OR7A10: variants seen among roughly 807,000 people sequenced by gnomAD.
OR7A10 encodes the protein olfactory receptor 7A10.
For synonymous variants in OR7A10, 144 were observed against 144.5 expected (o/e 1.00, Z 0.02); for missense variants, 358 against 370.1 (o/e 0.97, Z 0.27).
chr19:14,844,724 G>A (rs80129290), intron 1 of OR7A10, among the ~76,000 whole-genome samples: 18,730 of 136,986 alleles, frequency 0.14, 1,688 homozygotes, highest in East Asian at 0.4. Context: ...GTGCAGCAGT[G>A]CGATCTTGGC....
chr19:14,847,993 A>G (rs747664673), intron 1 of OR7A10, among the ~76,000 whole-genome samples: 2 of 151,730 alleles, frequency 1.3e-5, no homozygotes, highest in Admixed American at 6.6e-5. Context: ...TGTGGTGGTG[A>G]GCACCTGTAA....
At chr19:14,845,223 C>G (rs1179724945) in intron 1 of OR7A10, among the ~76,000 whole-genome samples, 1 of 151,822 alleles carries the variant, frequency 6.6e-6, no homozygotes, top group Non-Finnish European at 1.5e-5. Flanking sequence ...GCCTGTAATC[C>G]CAGCACTTTG....
intron 1 of OR7A10, among the ~76,000 whole-genome samples, chr19:14,844,466 G>A (rs1009176394): frequency 2.0e-5 from 3 of 152,092 alleles, no homozygotes; most frequent in African/African-American, 7.2e-5. Flanking sequence ...GAGAGAATGA[G>A]CAAGAAGAGA....
intron 1 of OR7A10, among the ~76,000 whole-genome samples, chr19:14,845,473 T>A (rs192612243): frequency 0.017 from 2,506 of 149,024 alleles, 64 homozygotes; most frequent in African/African-American, 0.059. Context: ...AGACTCCATC[T>A]CAAAAAAAAA....
rs3752195 is a variant in OR7A10, at chr19:14,841,086, G to T, written c.792C>A (p.Ala264=). Residue 264 remains alanine (A), a synonymous_variant, in exon 2 of 2, where the codon GCC becomes GCA. Transcript: ENST00000641129. ...CAGCACCTGTGTGTGAATTGTGGGT[G>T]GCAGCAGAACTAAGGTACACCCCTA... The part of the protein sequence containing the change: ...TCLGVYLSSA[A]THNSHTGAAA... 387,842 of 1,613,660 alleles carry T rather than the reference G, an allele frequency of 0.24. 48,041 individuals carry two copies. The highest frequency in any genetic ancestry group is 0.34 in the South Asian group (30,742 of 91,050).
Position 14,840,927 on chromosome 19 carries a change from C to T in OR7A10, c.*21G>A. On this transcript the variant is annotated 3_prime_UTR_variant, in exon 2 of 2. Coordinates refer to ENST00000641129, the MANE Select transcript of OR7A10 (RefSeq NM_001005190.2). Reference sequence around the variant, plus strand: ...GGCTTAGAGCTCTGAAGTCACAGGCCTTTCTTGAAAAATAGCCTTTCTATT... The same window carrying T: ...GGCTTAGAGCTCTGAAGTCACAGGCTTTTCTTGAAAAATAGCCTTTCTATT... The T allele has an allele frequency of 6.4e-7, 1 of 1,561,348 alleles. No homozygotes were observed. Among genetic ancestry groups the T allele is most frequent in the Non-Finnish European group, 8.7e-7 (1 of 1,148,400 alleles).
At chr19:14,843,848 T>C (rs564269345) in intron 1 of OR7A10, among the ~76,000 whole-genome samples, 13 of 152,084 alleles carry the variant, frequency 8.5e-5, no homozygotes, top group Non-Finnish European at 1.6e-4. Flanking sequence ...CACTTATAAG[T>C]GGGAGTCGAA....
chr19:14,842,705 A>T (rs1214526799), intron 1 of OR7A10, among the ~76,000 whole-genome samples: 1 of 152,160 alleles, frequency 6.6e-6, no homozygotes, highest in Non-Finnish European at 1.5e-5. Flanking sequence ...CTTGTTCTTT[A>T]TTATGGCTTC....
chr19:14,842,580 A>G (rs529487389), intron 1 of OR7A10, among the ~76,000 whole-genome samples: 3 of 152,126 alleles, frequency 2.0e-5, no homozygotes, highest in Non-Finnish European at 2.9e-5. Flanking sequence ...CGTGCACTCA[A>G]TGTTTAGCTC....
chr19:14,841,234 A>G lies in OR7A10; in HGVS notation c.644T>C (p.Leu215Pro). The G allele has an allele frequency of 1.2e-6, 2 of 1,614,198 alleles. No individual in the cohort carries two copies. Among genetic ancestry groups the G allele is most frequent in the Non-Finnish European group, 1.7e-6 (2 of 1,180,030 alleles). ...LLGGGPLTGI[L>P]YSYSKIVSSI... ...GGAAACTATCTTAGAGTAAGAGTAC[A>G]GGATCCCAGTGAGGGGACCACCGCC... The change falls in exon 2 of 2, where the codon CTG becomes CCG. Residue 215 changes from leucine to proline, a missense_variant. Leu to Pro is a moderately conservative substitution (Grantham distance 98). Coordinates refer to ENST00000641129, the MANE Select transcript of OR7A10 (RefSeq NM_001005190.2).
At position 14,848,160 on chromosome 19, in the gene OR7A10, C is replaced by T. The variant is rs915958119; in HGVS notation, c.-13+340G>A. On this transcript the variant is annotated intron_variant, in intron 1 of 1. Coordinates refer to ENST00000641129, the MANE Select transcript of OR7A10 (RefSeq NM_001005190.2). ...TGCCCTCACTTCCTTTCGTATCCCC[C>T]ATAGCTAATACCCTACTTCTCTTTC... Among the ~76,000 whole-genome samples, 4 of 152,046 alleles carry T rather than the reference C, an allele frequency of 2.6e-5. 1 individual carries two copies. In the South Asian group the frequency reaches 6.2e-4, roughly 24 times the overall value.
At chr19:14,846,539 T>C (rs2044943445) in intron 1 of OR7A10, among the ~76,000 whole-genome samples, 1 of 151,704 alleles carries the variant, frequency 6.6e-6, no homozygotes, top group Non-Finnish European at 1.5e-5. Context: ...AACTAAAGAA[T>C]ATGACAGGAA....
At chr19:14,843,914 G>A (rs1039082059) in intron 1 of OR7A10, among the ~76,000 whole-genome samples, 3 of 152,100 alleles carry the variant, frequency 2.0e-5, no homozygotes, top group African/African-American at 7.2e-5. Context: ...GACTGTCGGG[G>A]GTACGGGATA....
intron 1 of OR7A10, among the ~76,000 whole-genome samples, chr19:14,844,061 C>G (rs909202690): frequency 2.0e-5 from 3 of 152,100 alleles, no homozygotes; most frequent in Admixed American, 1.3e-4. Context: ...ACATGTATCC[C>G]AGCACTTAAA....
Position 14,848,081 on chromosome 19 carries a change from C to T in OR7A10, c.-13+419G>A, listed in dbSNP as rs373234947. Among the ~76,000 whole-genome samples the T allele has an allele frequency of 7.9e-5, 12 of 151,714 alleles. No homozygotes were observed. In the East Asian group the frequency reaches 2.4e-3, roughly 30 times the overall value. ...GAGGTTGCAGTGAGCCAAGATTGTG[C>T]CACTGCACTCCAGCCTGGGCGACAG... On this transcript the variant is annotated intron_variant, in intron 1 of 1. Coordinates refer to ENST00000641129, the MANE Select transcript of OR7A10 (RefSeq NM_001005190.2).
chr19:14,841,101 G>A lies in OR7A10; in HGVS notation c.777C>T (p.Tyr259=). 6 of 1,613,978 alleles carry A rather than the reference G, an allele frequency of 3.7e-6. No homozygotes were observed. The highest frequency in any genetic ancestry group is 3.4e-6 in the Non-Finnish European group (4 of 1,179,954). ...SLFYGTCLGV[Y]LSSAATHNSH... is the part of the protein sequence containing the mutation. ...AATTGTGGGTGGCAGCAGAACTAAG[G>A]TACACCCCTAAGCATGTACCATAAA... Residue 259 remains tyrosine, a synonymous_variant, in exon 2 of 2, where the codon TAC becomes TAT. Transcript: ENST00000641129.
chr19:14,845,894 A>G (rs2044940171), intron 1 of OR7A10, among the ~76,000 whole-genome samples: 1 of 152,174 alleles, frequency 6.6e-6, no homozygotes, highest in Non-Finnish European at 1.5e-5. Context: ...GACAATTTTA[A>G]CATAAAAATT....
chr19:14,840,781 A>G lies in OR7A10; in HGVS notation c.*167T>C. 1 of 523,566 alleles carries G rather than the reference A, an allele frequency of 1.9e-6. No homozygotes were observed. 32.4% of individuals were successfully genotyped at this position (523,566 alleles called of 1,614,324 possible). A position where few individuals can be genotyped will look rare whatever the true frequency, so the allele number is the denominator to read the frequency against. On this transcript the variant is annotated 3_prime_UTR_variant, in exon 2 of 2. Coordinates refer to ENST00000641129, the MANE Select transcript of OR7A10 (RefSeq NM_001005190.2). ...TTTAAGGTCATCTCTGACTCTAAGA[A>G]GAACAGTGTAAGCTCTATAAAGTAG...
intron 1 of OR7A10, among the ~76,000 whole-genome samples, chr19:14,846,721 A>AAAAAAAAAAAAAAAAG (rs2044944645): frequency 6.7e-6 from 1 of 150,192 alleles, no homozygotes; most frequent in African/African-American, 2.4e-5. Flanking sequence ...AAAAAAAAAA[A>AAAAAAAAAAAAAAAAG]AAAAGGAAAA....
Sources: allele counts gnomAD v4.1 joint callset (sites outside exome capture counted in the v4.1 genomes callset), GRCh38; gene constraint gnomAD v4.1.1; transcripts MANE v1.5; gene names NCBI Gene and HGNC (gene_info 2026-07-23, HGNC 2026-07-21).